CNTNAP2: variants seen among roughly 807,000 people sequenced by gnomAD.
The protein encoded by CNTNAP2 is contactin-associated protein-like 2.
Under a neutral mutation model 155.2 loss-of-function variants are expected in CNTNAP2, and 98 were observed. The ratio of observed to expected loss-of-function variants is 0.63; its 90% CI spans 0.54 to 0.75. The LOEUF is 0.75. Among genes scored for constraint, CNTNAP2 ranks in the 30% least tolerant of loss-of-function variants. The probability of loss-of-function intolerance (pLI) is 0.00; values close to 1 mark genes in which losing one functional copy is unlikely to be tolerated. For missense variants in CNTNAP2, 1,727 were observed against 1,688.1 expected (o/e 1.02, Z -0.40); for synonymous variants, 651 against 631.2 (o/e 1.03, Z -0.47).
chr7:148,007,420 C>A (rs1802000938), intron 15 of CNTNAP2, among the ~76,000 whole-genome samples: 1 of 152,160 alleles, frequency 6.6e-6, no homozygotes, highest in Non-Finnish European at 1.5e-5. Context: ...TAGAAATAAT[C>A]TGTCTTATAA....
chr7:147,068,702 A>C (rs573515929), intron 4 of CNTNAP2, among the ~76,000 whole-genome samples: 10 of 152,344 alleles, frequency 6.6e-5, no homozygotes, highest in Middle Eastern at 3.4e-3. Flanking sequence ...GGCTATCTCC[A>C]ATAGTCTAGC....
At chr7:147,488,880 C>T (rs1584766156) in intron 11 of CNTNAP2, among the ~76,000 whole-genome samples, 1 of 152,304 alleles carries the variant, frequency 6.6e-6, no homozygotes, top group Middle Eastern at 3.4e-3. Flanking sequence ...CTCACCTCTT[C>T]AAGCCATTGT....
In CNTNAP2 at chr7:146,117,980, T is replaced by C. The variant is rs532372702; in HGVS notation, c.97+1007T>C. 5.9e-5 allele frequency among the ~76,000 whole-genome samples: 9 copies of C among 152,332 alleles called. No homozygotes were observed. In the East Asian group the frequency reaches 1.7e-3, roughly 29 times the overall value. ...TTTCAGAGTTTAAAAGGAAGATTTTTTTGTCCATTTAGGAAAAGAAAAGTT... is the reference window on the plus strand; with the variant it reads ...TTTCAGAGTTTAAAAGGAAGATTTTCTTGTCCATTTAGGAAAAGAAAAGTT... On this transcript the variant is annotated intron_variant, in intron 1 of 23. Coordinates refer to ENST00000361727, the MANE Select transcript of CNTNAP2 (RefSeq NM_014141.6).
At chr7:147,811,465 TAC>T (rs1252746510) in intron 13 of CNTNAP2, among the ~76,000 whole-genome samples, 1 of 152,130 alleles carries the variant, frequency 6.6e-6, no homozygotes, top group East Asian at 1.9e-4. Context: ...GATCCAGAGT[TAC>T]AAATTGCCTC....
At chr7:147,699,928 A>G (rs936534494) in intron 13 of CNTNAP2, among the ~76,000 whole-genome samples, 11 of 152,204 alleles carry the variant, frequency 7.2e-5, no homozygotes, top group Non-Finnish European at 1.5e-4. Flanking sequence ...AAATGGAATC[A>G]CACAATATGT....
At chr7:146,900,826 G>A (rs1387140178) in intron 3 of CNTNAP2, among the ~76,000 whole-genome samples, 1 of 152,018 alleles carries the variant, frequency 6.6e-6, no homozygotes, top group Non-Finnish European at 1.5e-5. Flanking sequence ...TCTTCTACCT[G>A]CACCGAGTCT....
chr7:147,650,612 G>T (rs927967663), intron 13 of CNTNAP2, among the ~76,000 whole-genome samples: 1 of 151,974 alleles, frequency 6.6e-6, no homozygotes, highest in Non-Finnish European at 1.5e-5. Context: ...TTACTTTATT[G>T]TAAGGATACA....
At chr7:147,290,262 T>G (rs1413072526) in intron 8 of CNTNAP2, among the ~76,000 whole-genome samples, 1 of 152,200 alleles carries the variant, frequency 6.6e-6, no homozygotes, top group African/African-American at 2.4e-5. Context: ...GAATCAAATT[T>G]AACAAACACA....
chr7:146,304,904 A>G (rs545349108), intron 1 of CNTNAP2, among the ~76,000 whole-genome samples: 5 of 152,146 alleles, frequency 3.3e-5, no homozygotes, highest in Non-Finnish European at 5.9e-5. Flanking sequence ...TTTCAGGTAC[A>G]CCAATCAGAT....
At chr7:146,743,740 C>G (rs1801759448) in intron 1 of CNTNAP2, among the ~76,000 whole-genome samples, 1 of 152,120 alleles carries the variant, frequency 6.6e-6, no homozygotes, top group Admixed American at 6.5e-5. Flanking sequence ...CAATTTCAAA[C>G]ACCATACAAT....
At chr7:147,581,555 C>A (rs1441018809) in intron 12 of CNTNAP2, among the ~76,000 whole-genome samples, 2 of 152,126 alleles carry the variant, frequency 1.3e-5, no homozygotes, top group Admixed American at 6.5e-5. Flanking sequence ...CAATATAAGA[C>A]CCCTGGTCAA....
At chr7:148,212,848 A>T (rs1795572369) in intron 18 of CNTNAP2, among the ~76,000 whole-genome samples, 2 of 152,296 alleles carry the variant, frequency 1.3e-5, no homozygotes, top group South Asian at 4.1e-4. Flanking sequence ...GCTTTGCTTT[A>T]ACAGTTGGTT....
chr7:146,395,581 A>G (rs1034134638), intron 1 of CNTNAP2, among the ~76,000 whole-genome samples: 5 of 152,140 alleles, frequency 3.3e-5, no homozygotes, highest in Admixed American at 3.3e-4. Flanking sequence ...TGGGAAATGA[A>G]TTGAACAAAT....
chr7:146,394,560 C>T lies in CNTNAP2; in HGVS notation c.97+277587C>T, dbSNP rs148944469. On this transcript the variant is annotated intron_variant, in intron 1 of 23. Coordinates refer to ENST00000361727, the MANE Select transcript of CNTNAP2 (RefSeq NM_014141.6). Reference sequence around the variant, plus strand: ...CCTTGGCCTGTATACACTTTCATGACAGGTTAAGTGAACAGAGGTTAAAGG... The same window carrying T: ...CCTTGGCCTGTATACACTTTCATGATAGGTTAAGTGAACAGAGGTTAAAGG... Among the ~76,000 whole-genome samples the T allele has an allele frequency of 7.7e-3, 1,165 of 152,072 alleles. 15 individuals are homozygous for T. Among genetic ancestry groups the T allele is most frequent in the African/African-American group, 0.027 (1,111 of 41,520 alleles).
At chr7:146,323,562 CAT>C (rs1801042811) in intron 1 of CNTNAP2, among the ~76,000 whole-genome samples, 1 of 151,882 alleles carries the variant, frequency 6.6e-6, no homozygotes, top group African/African-American at 2.4e-5. Flanking sequence ...CCTTACATAA[CAT>C]AAACAGACAC....
intron 10 of CNTNAP2, among the ~76,000 whole-genome samples, chr7:147,474,325 G>T (rs1468583811): frequency 6.6e-6 from 1 of 152,040 alleles, no homozygotes; most frequent in Non-Finnish European, 1.5e-5. Context: ...CGGGCACGGT[G>T]GCTCACGCCT....
At chr7:147,578,100 A>T (rs1446237707) in intron 12 of CNTNAP2, among the ~76,000 whole-genome samples, 1 of 152,088 alleles carries the variant, frequency 6.6e-6, no homozygotes, top group Non-Finnish European at 1.5e-5. Flanking sequence ...TTGCTCAGAA[A>T]GTTTCATAGA....
chr7:148,258,248 G>A (rs149045553), intron 20 of CNTNAP2, among the ~76,000 whole-genome samples: 26 of 152,268 alleles, frequency 1.7e-4, no homozygotes, highest in Non-Finnish European at 2.9e-4. Context: ...CTGAGGCAGC[G>A]TCCTTGAACC....
At chr7:148,305,615 G>C (rs1276346862) in intron 21 of CNTNAP2, among the ~76,000 whole-genome samples, 2 of 152,238 alleles carry the variant, frequency 1.3e-5, no homozygotes, top group Non-Finnish European at 2.9e-5. Flanking sequence ...AATCACAGCA[G>C]AAGGTGAAGG....
Sources: allele counts gnomAD v4.1 joint callset (sites outside exome capture counted in the v4.1 genomes callset), GRCh38; gene constraint gnomAD v4.1.1; transcripts MANE v1.5; gene names NCBI Gene and HGNC (gene_info 2026-07-23, HGNC 2026-07-21).